The following NCALD variants were observed in gnomAD, a reference collection of about 807,000 sequenced individuals.
NCALD encodes the protein neurocalcin delta, also known as neurocalcin-delta.
Under a neutral mutation model 18.6 loss-of-function variants are expected in NCALD, and 10 were observed. The observed-to-expected ratio is 0.54, with a 90% CI of 0.33 to 0.91. The LOEUF is 0.91. Ranked by LOEUF, NCALD falls within the 40% of genes least tolerant of loss-of-function variation. The pLI is 0.03. For missense variants in NCALD, 184 were observed against 247.6 expected (o/e 0.74, Z 1.72); for synonymous variants, 88 against 87.4 (o/e 1.01, Z -0.04).
chr8:101,750,024 G>A (rs1225742108), intron 1 of NCALD: 1 of 152,482 alleles, frequency 6.6e-6, no homozygotes, highest in African/African-American at 2.4e-5. Flanking sequence ...CATGGCTGGG[G>A]AGGCCTCAGG....
intron 1 of NCALD, among the ~76,000 whole-genome samples, chr8:101,757,547 C>T (rs149290026): frequency 4.1e-4 from 62 of 152,254 alleles, no homozygotes; most frequent in African/African-American, 1.4e-3. Context: ...TCTTTTTATT[C>T]CCAGGTCTAA....
At chr8:101,889,447 A>G (rs972347924) in intron 3 of NCALD, among the ~76,000 whole-genome samples, 2 of 152,208 alleles carry the variant, frequency 1.3e-5, no homozygotes, top group African/African-American at 2.4e-5. Flanking sequence ...TGATATTTCC[A>G]ATAAATTGCA....
intron 1 of NCALD, among the ~76,000 whole-genome samples, chr8:101,736,512 G>A (rs938151090): frequency 1.3e-5 from 2 of 152,132 alleles, no homozygotes; most frequent in African/African-American, 4.8e-5. Context: ...TATACCTGCT[G>A]GTGTTTCCAC....
At chr8:101,797,765 G>A (rs557626315) in intron 4 of NCALD, among the ~76,000 whole-genome samples, 2 of 151,586 alleles carry the variant, frequency 1.3e-5, no homozygotes, top group East Asian at 1.9e-4. Context: ...GCAGTGAGCC[G>A]AGATCATGCC....
At chr8:101,768,926 A>C (rs1354792727) in intron 1 of NCALD, among the ~76,000 whole-genome samples, 1 of 152,128 alleles carries the variant, frequency 6.6e-6, no homozygotes, top group Non-Finnish European at 1.5e-5. Flanking sequence ...AAGAATCTTG[A>C]GGAGGGAAGG....
chr8:101,746,953 A>G (rs998818631), intron 1 of NCALD, among the ~76,000 whole-genome samples: 1 of 152,120 alleles, frequency 6.6e-6, no homozygotes, highest in Admixed American at 6.5e-5. Flanking sequence ...GTTAGGGCAA[A>G]GATGTTCCAA....
intron 1 of NCALD, among the ~76,000 whole-genome samples, chr8:102,035,124 G>T (rs1822814576): frequency 6.6e-6 from 1 of 152,130 alleles, no homozygotes; most frequent in Admixed American, 6.6e-5. Context: ...AAGTAATCTA[G>T]TGCAAGGTCT....
At chr8:101,964,755 G>A (rs1011074935) in intron 2 of NCALD, among the ~76,000 whole-genome samples, 4 of 152,288 alleles carry the variant, frequency 2.6e-5, no homozygotes, top group South Asian at 4.1e-4. Context: ...TATCCATAAG[G>A]ACAGTCAAGG....
chr8:101,772,361 G>T (rs1334053375), intron 1 of NCALD, among the ~76,000 whole-genome samples: 3 of 152,192 alleles, frequency 2.0e-5, no homozygotes, highest in African/African-American at 7.2e-5. Context: ...CAGGCCCACA[G>T]TCTTAGAGCA....
At chr8:101,891,601 T>G (rs999181459) in intron 3 of NCALD, among the ~76,000 whole-genome samples, 1 of 152,152 alleles carries the variant, frequency 6.6e-6, no homozygotes, top group Non-Finnish European at 1.5e-5. Context: ...ATCTGAGGTA[T>G]CGGGTTCATC....
chr8:101,838,354 T>C (rs1337840675), intron 4 of NCALD, among the ~76,000 whole-genome samples: 2 of 152,148 alleles, frequency 1.3e-5, no homozygotes, highest in Non-Finnish European at 2.9e-5. Flanking sequence ...CCCGAGTAGC[T>C]GGGACTACAG....
intron 2 of NCALD, among the ~76,000 whole-genome samples, chr8:102,010,518 T>C (rs1368418206): frequency 6.6e-6 from 1 of 152,232 alleles, no homozygotes; most frequent in Non-Finnish European, 1.5e-5. Context: ...GAGGATTACA[T>C]TGGTTAAATA....
chr8:101,997,939 A>G (rs917535936), intron 2 of NCALD, among the ~76,000 whole-genome samples: 2 of 152,210 alleles, frequency 1.3e-5, no homozygotes, highest in Non-Finnish European at 2.9e-5. Context: ...GAACAACTGG[A>G]AATGATTATT....
chr8:101,897,451 G>A (rs1214371861), intron 3 of NCALD, among the ~76,000 whole-genome samples: 1 of 150,312 alleles, frequency 6.7e-6, no homozygotes, highest in African/African-American at 2.4e-5. Context: ...CACCAGCATG[G>A]CACATGTATA....
At chr8:101,843,301 A>T (rs1015988160) in intron 4 of NCALD, among the ~76,000 whole-genome samples, 1 of 152,228 alleles carries the variant, frequency 6.6e-6, no homozygotes, top group African/African-American at 2.4e-5. Flanking sequence ...TTGCTGTGGG[A>T]ACTTCTCAAA....
chr8:101,898,636 C>G (rs1478059027), intron 3 of NCALD, among the ~76,000 whole-genome samples: 1 of 151,900 alleles, frequency 6.6e-6, no homozygotes, highest in Non-Finnish European at 1.5e-5. Flanking sequence ...TACAAGTTTT[C>G]TAGTTTTATG....
chr8:101,775,931 T>C (rs1268758273), intron 1 of NCALD, among the ~76,000 whole-genome samples: 1 of 152,206 alleles, frequency 6.6e-6, no homozygotes, highest in Admixed American at 6.5e-5. Context: ...TCCTGTCTTA[T>C]ACTGTCACAC....
intron 1 of NCALD, among the ~76,000 whole-genome samples, chr8:101,767,830 G>A (rs1416967604): frequency 6.6e-6 from 1 of 152,206 alleles, no homozygotes; most frequent in Admixed American, 6.5e-5. Context: ...CTGACCCACA[G>A]CTTTCTCTGC....
chr8:102,033,595 T>G (rs1822758393), intron 1 of NCALD, among the ~76,000 whole-genome samples: 1 of 152,190 alleles, frequency 6.6e-6, no homozygotes, highest in Non-Finnish European at 1.5e-5. Flanking sequence ...AATTTGAGAT[T>G]ACTACTTGGT....
Sources: gnomAD v4.1 joint callset for allele counts (sites outside exome capture counted in the v4.1 genomes callset) on GRCh38, gnomAD v4.1.1 for gene constraint, MANE v1.5 for transcripts, NCBI Gene and HGNC (gene_info 2026-07-23, HGNC 2026-07-21) for gene names.